Variants in CNTLN observed in about 807,000 individuals in gnomAD.
CNTLN encodes the protein centlein, also known as centlein, centrosomal protein.
In CNTLN, 212 loss-of-function variants were observed where a neutral mutation model predicts 180.0. The observed-to-expected ratio is 1.18, with a 90% confidence interval of 1.05 to 1.32. The LOEUF is 1.32. CNTLN is among the 40% of genes most tolerant of loss of function. The probability of loss-of-function intolerance (pLI) is 0.00; values close to 1 mark genes in which losing one functional copy is unlikely to be tolerated. For synonymous variants in CNTLN, 722 were observed against 563.1 expected, an observed-to-expected ratio of 1.28 and a Z score of -3.99; for missense variants, 2,095 against 1,610.9, an observed-to-expected ratio of 1.30 and a Z score of -5.14.
intron 2 of CNTLN, among the ~76,000 whole-genome samples, chr9:17,180,853 G>C (rs1020645633): frequency 6.6e-6 from 1 of 151,576 alleles, no homozygotes; most frequent in Non-Finnish European, 1.5e-5. Context: ...CTTTTCTTTC[G>C]GTATTTGAAA....
rs138460023 is a variant in CNTLN at position 17,185,334 on chromosome 9, G to C, written c.450-40869G>C. Among the ~76,000 whole-genome samples the C allele has an allele frequency of 5.3e-3, 808 of 152,316 alleles. 5 individuals carry two copies. Among genetic ancestry groups the C allele is most frequent in the African/African-American group, 0.019 (776 of 41,584 alleles). On this transcript the variant is annotated intron_variant, in intron 2 of 25. Transcript: ENST00000380647. ...CTGGTACGTGTTCATGATTTTGCCA[G>C]AAACTGGATGGCTCCAAACAAACAT...
intron 20 of CNTLN, among the ~76,000 whole-genome samples, chr9:17,464,113 A>C (rs536183688): frequency 6.6e-6 from 1 of 151,490 alleles, no homozygotes; most frequent in African/African-American, 2.4e-5. Flanking sequence ...TTATTGAAGT[A>C]TAAGATTTTT....
At chr9:17,135,977 CTTGT>C (rs1373231067) in intron 1 of CNTLN, among the ~76,000 whole-genome samples, 6 of 151,864 alleles carry the variant, frequency 4.0e-5, no homozygotes, top group Admixed American at 3.9e-4. Flanking sequence ...ATGCTTGGTA[CTTGT>C]TTATTAACCA....
chr9:17,226,902 C>T (rs1442183443), intron 3 of CNTLN, among the ~76,000 whole-genome samples: 1 of 151,488 alleles, frequency 6.6e-6, no homozygotes, highest in Non-Finnish European at 1.5e-5. Context: ...AGGGAGGTGC[C>T]ACAGACTTTT....
chr9:17,194,415 A>G (rs764098422), intron 2 of CNTLN, among the ~76,000 whole-genome samples: 18 of 152,138 alleles, frequency 1.2e-4, no homozygotes, highest in Non-Finnish European at 2.2e-4. Flanking sequence ...CAGATACCCT[A>G]AATCATCTCT....
chr9:17,409,105 A>C (rs569905621), intron 15 of CNTLN, among the ~76,000 whole-genome samples, 188 bp from the exon 16 acceptor site: 2 of 152,256 alleles, frequency 1.3e-5, no homozygotes, highest in South Asian at 4.2e-4. Flanking sequence ...TCTTGATGGG[A>C]TTCTATAATT....
At chr9:17,497,585 C>T (rs1328853729) in intron 25 of CNTLN, among the ~76,000 whole-genome samples, 1 of 152,100 alleles carries the variant, frequency 6.6e-6, no homozygotes, top group Non-Finnish European at 1.5e-5. Context: ...CTTACAACTT[C>T]TAGAGTAATT....
chr9:17,184,230 GA>G (rs1021597483), intron 2 of CNTLN, among the ~76,000 whole-genome samples: 51 of 152,124 alleles, frequency 3.4e-4, no homozygotes, highest in African/African-American at 1.2e-3. Flanking sequence ...TTAATTATTT[GA>G]AAATGATCAA....
intron 13 of CNTLN, among the ~76,000 whole-genome samples, chr9:17,382,932 T>C (rs1474238051): frequency 2.0e-5 from 3 of 152,086 alleles, no homozygotes; most frequent in Non-Finnish European, 4.4e-5. Context: ...ATCAGCAAAA[T>C]AAAACCCCAA....
At chr9:17,204,601 G>A (rs1027049228) in intron 2 of CNTLN, among the ~76,000 whole-genome samples, 2 of 152,182 alleles carry the variant, frequency 1.3e-5, no homozygotes, top group African/African-American at 4.8e-5. Flanking sequence ...TGTATGAGGT[G>A]TCTGTCAACC....
chr9:17,397,504 AC>A (rs1826627539), intron 15 of CNTLN, among the ~76,000 whole-genome samples: 1 of 152,150 alleles, frequency 6.6e-6, no homozygotes, highest in Admixed American at 6.5e-5. Flanking sequence ...AGCGAGGATG[AC>A]CAGAGGTCAC....
intron 10 of CNTLN, among the ~76,000 whole-genome samples, chr9:17,339,143 C>G (rs1488160237): frequency 6.6e-6 from 1 of 152,154 alleles, no homozygotes; most frequent in Non-Finnish European, 1.5e-5. Context: ...TAGAACACTT[C>G]TTGTTACAAA....
intron 6 of CNTLN, among the ~76,000 whole-genome samples, chr9:17,294,785 AGGGAGGGGG>A (rs1293105521): frequency 5.1e-5 from 1 of 19,512 alleles, no homozygotes; most frequent in Non-Finnish European, 9.7e-5. Context: ...GAGTGAGGGG[AGGGAGGGGG>A]GGAGGGTGGG....
chr9:17,266,844 G>A (rs575535500), intron 5 of CNTLN, among the ~76,000 whole-genome samples: 5 of 152,196 alleles, frequency 3.3e-5, no homozygotes, highest in East Asian at 1.9e-4. Context: ...TGTTTTATCA[G>A]AGACTAGGAT....
At chr9:17,483,528 C>T (rs999551225) in intron 23 of CNTLN, among the ~76,000 whole-genome samples, 2 of 152,162 alleles carry the variant, frequency 1.3e-5, no homozygotes, top group African/African-American at 4.8e-5. Flanking sequence ...CTTGTGCTAA[C>T]AAAAGATTGG....
chr9:17,506,416 C>T (rs1833933054), downstream of CNTLN, among the ~76,000 whole-genome samples: 1 of 152,068 alleles, frequency 6.6e-6, no homozygotes, highest in Admixed American at 6.6e-5. Context: ...CAAGGCAGTC[C>T]TCTGTGAGTA....
At chr9:17,177,263 G>C (rs1456986998) in intron 2 of CNTLN, among the ~76,000 whole-genome samples, 1 of 152,032 alleles carries the variant, frequency 6.6e-6, no homozygotes, top group East Asian at 1.9e-4. Context: ...CAAAAAATTA[G>C]CCTGGCGTGG....
chr9:17,158,311 G>T (rs984341236), intron 2 of CNTLN, among the ~76,000 whole-genome samples: 4 of 152,018 alleles, frequency 2.6e-5, no homozygotes, highest in Non-Finnish European at 5.9e-5. Context: ...TGTTGCTGAG[G>T]ACTTTTACAT....
chr9:17,335,901 C>G lies in CNTLN; in HGVS notation c.1644+3171C>G, dbSNP rs573344979. 3.4e-5 allele frequency among the ~76,000 whole-genome samples: 5 copies of G among 146,670 alleles called. No individual in the cohort carries two copies. In the Admixed American group the frequency reaches 3.5e-4, roughly 10 times the overall value. On this transcript the variant is annotated intron_variant, in intron 10 of 25. Transcript: ENST00000380647. ...AGGTTGCAGCAAGCTGAGATCCTGCCACTACATTCCAGCGAGTCTGTCTCA... is the reference window on the plus strand; with the variant it reads ...AGGTTGCAGCAAGCTGAGATCCTGCGACTACATTCCAGCGAGTCTGTCTCA...
Sources: gnomAD v4.1 joint callset for allele counts (sites outside exome capture counted in the v4.1 genomes callset) on GRCh38, gnomAD v4.1.1 for gene constraint, MANE v1.5 for transcripts, NCBI Gene and HGNC (gene_info 2026-07-23, HGNC 2026-07-21) for gene names.